MAML2: variants seen among roughly 807,000 people sequenced by gnomAD.
The protein encoded by MAML2 is mastermind like transcriptional coactivator 2, also known as mastermind-like protein 2.
MAML2 carries 22 observed loss-of-function variants against 96.1 expected under a neutral mutation model. That is an observed-to-expected ratio of 0.23 (90% CI 0.16 to 0.33). The LOEUF is 0.33. Among genes scored for constraint, MAML2 ranks in the 10% least tolerant of loss-of-function variants. MAML2 has a pLI of 1.00. For synonymous variants in MAML2, 561 were observed against 521.3 expected (o/e 1.08, Z -1.04); for missense variants, 1,367 against 1,392.4 (o/e 0.98, Z 0.29).
intron 1 of MAML2, among the ~76,000 whole-genome samples, chr11:96,253,971 T>G (rs1270479113): frequency 6.6e-6 from 1 of 152,218 alleles, no homozygotes; most frequent in Non-Finnish European, 1.5e-5. Flanking sequence ...AAGGAAGTGA[T>G]GAGAAGTCTT....
At chr11:96,314,474 G>A (rs981020085) in intron 1 of MAML2, among the ~76,000 whole-genome samples, 4 of 152,104 alleles carry the variant, frequency 2.6e-5, no homozygotes, top group African/African-American at 7.2e-5. Flanking sequence ...TTTTCATGAG[G>A]CCTCACCCAC....
chr11:95,998,768 A>C (rs1858037223), intron 2 of MAML2, among the ~76,000 whole-genome samples: 1 of 152,208 alleles, frequency 6.6e-6, no homozygotes. Flanking sequence ...GAGGCAAATA[A>C]AACATGCTCA....
intron 1 of MAML2, among the ~76,000 whole-genome samples, chr11:96,105,881 A>AAAAACC: frequency 6.6e-6 from 1 of 151,816 alleles, no homozygotes. Flanking sequence ...ATGGAAAAAA[A>AAAAACC]AAAACCAAAA....
chr11:96,099,996 C>T lies in MAML2; in HGVS notation c.514-6479G>A, dbSNP rs528433187. Among the ~76,000 whole-genome samples, 93 of 152,198 alleles carry T rather than the reference C, an allele frequency of 6.1e-4. 1 individual carries two copies. Among genetic ancestry groups the T allele is most frequent in the African/African-American group, 2.0e-3 (85 of 41,536 alleles). On this transcript the variant is annotated intron_variant, in intron 1 of 4. Transcript: ENST00000524717. ...CACGAGAATGTGAAGCCCTGAGAAC[C>T]GGAACTGTGAAGAAAATGTATTGTC...
chr11:96,217,745 T>C (rs571842128), intron 1 of MAML2, among the ~76,000 whole-genome samples: 12 of 152,226 alleles, frequency 7.9e-5, no homozygotes, highest in South Asian at 2.1e-4. Flanking sequence ...CGTTCAGATA[T>C]GTTATTAGTA....
Position 96,081,591 on chromosome 11 carries a change from C to T in MAML2, c.2139+10301G>A, listed in dbSNP as rs535386940. On this transcript the variant is annotated intron_variant, in intron 2 of 4. Coordinates refer to ENST00000524717, the MANE Select transcript of MAML2 (RefSeq NM_032427.4). ...GGAAACTCAGAGTTAAATGAGGGCT[C>T]AGTTTTGAAAATCACCCATTGCAAG... Among the ~76,000 whole-genome samples the T allele has an allele frequency of 1.1e-3, 172 of 152,234 alleles. 1 individual carries two copies. Among genetic ancestry groups the T allele is most frequent in the African/African-American group, 3.9e-3 (160 of 41,546 alleles).
At chr11:96,279,100 T>C (rs959144852) in intron 1 of MAML2, among the ~76,000 whole-genome samples, 5 of 152,064 alleles carry the variant, frequency 3.3e-5, no homozygotes, top group African/African-American at 1.2e-4. Flanking sequence ...TTGACTGACA[T>C]GAAGACTACA....
chr11:96,219,494 C>T (rs1862099997), intron 1 of MAML2, among the ~76,000 whole-genome samples: 2 of 152,166 alleles, frequency 1.3e-5, no homozygotes, highest in Admixed American at 1.3e-4. Flanking sequence ...TTAGGAAAAA[C>T]ATAGATAGTA....
At chr11:96,171,403 T>C (rs1189256392) in intron 1 of MAML2, among the ~76,000 whole-genome samples, 3 of 152,156 alleles carry the variant, frequency 2.0e-5, no homozygotes, top group Non-Finnish European at 4.4e-5. Context: ...GTTCAAGATA[T>C]TATATTTAAT....
At chr11:96,128,946 C>T (rs1035060677) in intron 1 of MAML2, among the ~76,000 whole-genome samples, 1 of 152,188 alleles carries the variant, frequency 6.6e-6, no homozygotes, top group African/African-American at 2.4e-5. Flanking sequence ...CAGTATGGCT[C>T]AGGCTGAAAT....
intron 1 of MAML2, among the ~76,000 whole-genome samples, chr11:96,311,241 C>T (rs1212098750): frequency 1.3e-5 from 2 of 152,142 alleles, no homozygotes; most frequent in East Asian, 3.8e-4. Flanking sequence ...GAGTCCATTC[C>T]TGGCATGCAG....
intron 1 of MAML2, among the ~76,000 whole-genome samples, chr11:96,098,521 A>G (rs898730882): frequency 7.9e-5 from 12 of 152,172 alleles, no homozygotes; most frequent in African/African-American, 2.9e-4. Flanking sequence ...CCATCCGAGG[A>G]AGGGGCTTGT....
intron 2 of MAML2, among the ~76,000 whole-genome samples, chr11:96,028,358 C>G (rs959210886): frequency 3.9e-5 from 6 of 152,148 alleles, no homozygotes; most frequent in African/African-American, 1.4e-4. Context: ...TGGCTAATTC[C>G]CATTCATTCT....
intron 1 of MAML2, among the ~76,000 whole-genome samples, chr11:96,227,793 G>C (rs578243441): frequency 6.6e-6 from 1 of 152,120 alleles, no homozygotes; most frequent in Non-Finnish European, 1.5e-5. Flanking sequence ...TGTCTCTGTC[G>C]CCATCGAATG....
At chr11:96,200,575 G>T (rs1280005036) in intron 1 of MAML2, among the ~76,000 whole-genome samples, 1 of 152,200 alleles carries the variant, frequency 6.6e-6, no homozygotes, top group East Asian at 1.9e-4. Flanking sequence ...TACTAAGTTA[G>T]TGTGTCCCTC....
At chr11:96,237,429 T>C (rs1381867160) in intron 1 of MAML2, among the ~76,000 whole-genome samples, 1 of 152,230 alleles carries the variant, frequency 6.6e-6, no homozygotes, top group African/African-American at 2.4e-5. Context: ...TATCCTTGGC[T>C]CTAATAGCCT....
chr11:96,198,085 A>G (rs567846277), intron 1 of MAML2, among the ~76,000 whole-genome samples: 6 of 152,352 alleles, frequency 3.9e-5, no homozygotes, highest in East Asian at 3.9e-4. Context: ...GGGAAGTGAT[A>G]TGTTCTCTTT....
intron 1 of MAML2, among the ~76,000 whole-genome samples, chr11:96,206,121 GTGT>G (rs1565248387): frequency 1.3e-5 from 2 of 150,940 alleles, no homozygotes; most frequent in African/African-American, 4.9e-5. Context: ...AAGTTTTTAT[GTGT>G]TATCTAGAAA....
At chr11:96,319,101 T>C (rs1389895444) in intron 1 of MAML2, among the ~76,000 whole-genome samples, 1 of 152,224 alleles carries the variant, frequency 6.6e-6, no homozygotes, top group Non-Finnish European at 1.5e-5. Context: ...TCACTGTTTC[T>C]GGAAAAGCTA....
Sources: allele counts gnomAD v4.1 joint callset (sites outside exome capture counted in the v4.1 genomes callset), GRCh38; gene constraint gnomAD v4.1.1; transcripts MANE v1.5; gene names NCBI Gene and HGNC (gene_info 2026-07-23, HGNC 2026-07-21).